Variants in DAB1 observed in about 807,000 individuals in gnomAD.
DAB1 encodes DAB adaptor protein 1.
In DAB1, 15 loss-of-function variants were observed where a neutral mutation model predicts 64.6. The ratio of observed to expected loss-of-function variants is 0.23; its 90% CI spans 0.16 to 0.36. DAB1 has a LOEUF of 0.36. Ranked by LOEUF, DAB1 falls within the 10% of genes least tolerant of loss-of-function variation. DAB1 has a pLI of 1.00. For synonymous variants in DAB1, 235 were observed against 251.9 expected, an observed-to-expected ratio of 0.93 and a Z score of 0.64; for missense variants, 596 against 706.7, an observed-to-expected ratio of 0.84 and a Z score of 1.78.
intron 3 of DAB1, among the ~76,000 whole-genome samples, chr1:58,405,050 C>T (rs2100566854): frequency 6.6e-6 from 1 of 152,300 alleles, no homozygotes; most frequent in Middle Eastern, 3.4e-3. Flanking sequence ...TCACATTTAA[C>T]ACTTCAGGAT....
chr1:58,518,637 AACCCT>A (rs572569258), intron 2 of DAB1, among the ~76,000 whole-genome samples: 47,237 of 151,716 alleles, frequency 0.31, 7,796 homozygotes, highest in African/African-American at 0.42. Context: ...TTTATCTATA[AACCCT>A]GGAGGACTCC....
intron 7 of DAB1, among the ~76,000 whole-genome samples, chr1:57,439,418 G>GTTTTTTGTTTTTT: frequency 1.6e-4 from 19 of 116,164 alleles, no homozygotes; most frequent in South Asian, 3.2e-4. Flanking sequence ...TGGTGATGAG[G>GTTTTTTGTTTTTT]TTTTTTCTTT....
chr1:58,342,250 G>C (rs1270048773), intron 4 of DAB1, among the ~76,000 whole-genome samples: 1 of 152,138 alleles, frequency 6.6e-6, no homozygotes, highest in Non-Finnish European at 1.5e-5. Context: ...TAAGATATTT[G>C]TAAGCAGAGG....
chr1:57,136,296 C>G (rs1658079272), intron 4 of DAB1, among the ~76,000 whole-genome samples: 1 of 152,168 alleles, frequency 6.6e-6, no homozygotes, highest in Admixed American at 6.5e-5. Context: ...TCATCAATCT[C>G]CCATCAGATT....
chr1:57,269,028 G>A (rs1351209794), intron 2 of DAB1, among the ~76,000 whole-genome samples: 1 of 152,098 alleles, frequency 6.6e-6, no homozygotes, highest in African/African-American at 2.4e-5. Flanking sequence ...CTGGGGCTGT[G>A]GTGGAGTTAC....
At chr1:58,025,096 C>T (rs1646870189) in intron 5 of DAB1, among the ~76,000 whole-genome samples, 1 of 151,748 alleles carries the variant, frequency 6.6e-6, no homozygotes. Flanking sequence ...CCCTCACTCC[C>T]TTTTTCTCTC....
At chr1:58,429,844 T>C (rs984021415) in intron 3 of DAB1, among the ~76,000 whole-genome samples, 1 of 152,072 alleles carries the variant, frequency 6.6e-6, no homozygotes, top group African/African-American at 2.4e-5. Flanking sequence ...ACAGTGTAGA[T>C]TATAAACCAC....
At chr1:57,048,205 C>T (rs1286726170) in intron 9 of DAB1, among the ~76,000 whole-genome samples, 1 of 152,192 alleles carries the variant, frequency 6.6e-6, no homozygotes, top group Non-Finnish European at 1.5e-5. Context: ...AATAGTCAGG[C>T]TGCAAAGCTC....
At chr1:58,134,713 A>G (rs1444017673) in intron 5 of DAB1, among the ~76,000 whole-genome samples, 1 of 152,174 alleles carries the variant, frequency 6.6e-6, no homozygotes, top group Non-Finnish European at 1.5e-5. Flanking sequence ...TGAGAACTCT[A>G]TCACGAGAAA....
chr1:58,123,884 G>T (rs1037476057), intron 5 of DAB1, among the ~76,000 whole-genome samples: 27 of 152,146 alleles, frequency 1.8e-4, no homozygotes, highest in African/African-American at 6.0e-4. Context: ...GTGAGAGGAA[G>T]ACAGAGGTTT....
chr1:57,751,503 C>T (rs1007175134), intron 6 of DAB1, among the ~76,000 whole-genome samples: 1 of 152,132 alleles, frequency 6.6e-6, no homozygotes, highest in African/African-American at 2.4e-5. Context: ...TACAGTAAAT[C>T]TGCTTTTAGT....
intron 7 of DAB1, among the ~76,000 whole-genome samples, chr1:57,516,014 G>A (rs570006815): frequency 3.3e-5 from 5 of 152,172 alleles, no homozygotes; most frequent in Admixed American, 6.5e-5. Context: ...AGTTGAATAC[G>A]TAAGTCATTT....
chr1:57,334,160 A>G (rs1676899662), intron 1 of DAB1, among the ~76,000 whole-genome samples: 1 of 152,204 alleles, frequency 6.6e-6, no homozygotes, highest in Non-Finnish European at 1.5e-5. Context: ...ATGAATATGG[A>G]GGCCAGGCTA....
chr1:57,944,375 CT>C (rs1380060652), intron 5 of DAB1, among the ~76,000 whole-genome samples: 1 of 152,156 alleles, frequency 6.6e-6, no homozygotes, highest in Non-Finnish European at 1.5e-5. Context: ...TTGGCTTGCT[CT>C]TCAGCACTTA....
At chr1:58,214,134 C>T (rs750800059) in intron 4 of DAB1, among the ~76,000 whole-genome samples, 4 of 152,146 alleles carry the variant, frequency 2.6e-5, no homozygotes, top group African/African-American at 9.7e-5. Flanking sequence ...TTTCTGCAGC[C>T]TCCTGTCATA....
intron 5 of DAB1, among the ~76,000 whole-genome samples, chr1:58,085,695 CT>C (rs200117084): frequency 5.9e-5 from 9 of 151,524 alleles, no homozygotes; most frequent in African/African-American, 2.2e-4. Flanking sequence ...CAATCAGTCT[CT>C]TTTAAAAAAA....
chr1:57,977,140 A>G (rs1473645094), intron 5 of DAB1, among the ~76,000 whole-genome samples: 1 of 151,978 alleles, frequency 6.6e-6, no homozygotes, highest in Non-Finnish European at 1.5e-5. Flanking sequence ...TTCTCCTTCC[A>G]TTTCCACTCT....
intron 3 of DAB1, among the ~76,000 whole-genome samples, chr1:58,462,341 T>C (rs376536238): frequency 1.3e-5 from 2 of 152,078 alleles, no homozygotes; most frequent in Non-Finnish European, 2.9e-5. Flanking sequence ...TTAGCCAGGA[T>C]GGTCTCGATC....
intron 1 of DAB1, among the ~76,000 whole-genome samples, chr1:57,382,810 G>T (rs982704959): frequency 6.6e-6 from 1 of 152,020 alleles, no homozygotes; most frequent in Non-Finnish European, 1.5e-5. Context: ...GGTATCTGCC[G>T]AGTCTCTTTT....
Sources: allele counts gnomAD v4.1 joint callset (sites outside exome capture counted in the v4.1 genomes callset), GRCh38; gene constraint gnomAD v4.1.1; transcripts MANE v1.5; gene names NCBI Gene and HGNC (gene_info 2026-07-23, HGNC 2026-07-21).